The following NIPSNAP3B variants were observed in gnomAD, a reference collection of about 807,000 sequenced individuals.
NIPSNAP3B encodes protein NipSnap homolog 3B.
Under a neutral mutation model 31.5 loss-of-function variants are expected in NIPSNAP3B, and 30 were observed. That is an observed-to-expected ratio of 0.95 (90% CI 0.71 to 1.29). The LOEUF (loss-of-function observed/expected upper bound fraction) is 1.29, where lower values mean the gene tolerates loss of function less well. Ranked by LOEUF, NIPSNAP3B falls within the 50% of genes most tolerant of loss-of-function variation. The pLI, the probability that NIPSNAP3B is intolerant of heterozygous loss-of-function variation, is 0.00. For missense variants in NIPSNAP3B, 269 were observed against 300.7 expected (o/e 0.89, Z 0.78); for synonymous variants, 106 against 107.9 (o/e 0.98, Z 0.11).
In NIPSNAP3B at chr9:104,776,574, C is replaced by G. The variant is rs916318765; in HGVS notation, c.*3501C>G. ...TCACCAGAACTTCTTCATGCTGGCACCCTGGTCTTAGACTTCCCAGCCACT... is the reference window on the plus strand; with the variant it reads ...TCACCAGAACTTCTTCATGCTGGCAGCCTGGTCTTAGACTTCCCAGCCACT... On this transcript the variant is annotated 3_prime_UTR_variant, in exon 6 of 6. Coordinates refer to ENST00000374762, the MANE Select transcript of NIPSNAP3B (RefSeq NM_018376.4). 7.9e-5 allele frequency among the ~76,000 whole-genome samples: 12 copies of G among 152,232 alleles called. No homozygotes were observed. Among genetic ancestry groups the G allele is most frequent in the Non-Finnish European group, 1.3e-4 (9 of 68,012 alleles).
the NIPSNAP3B span, chr9:104,787,732 G>T: frequency 1.6e-6 from 1 of 642,150 alleles, no homozygotes. Flanking sequence ...GGGAGCATCT[G>T]CAGGCATGGT....
the NIPSNAP3B span, chr9:104,785,558 A>T: frequency 1.9e-6 from 3 of 1,614,082 alleles, no homozygotes; most frequent in Non-Finnish European, 2.5e-6. Context: ...CAGGAAATGC[A>T]AGTCCAAAGA....
intron 4 of NIPSNAP3B, 63 bp from the exon 5 acceptor site, chr9:104,772,759 T>A: frequency 6.5e-7 from 1 of 1,529,440 alleles, no homozygotes; most frequent in Non-Finnish European, 8.9e-7. Context: ...GATTCACTTT[T>A]TCAATATTTC....
In NIPSNAP3B at chr9:104,773,226, A is replaced by G. The variant is rs1426086629; in HGVS notation, c.*153A>G. ...TGCTTCTTGCATTTTTGAAAGTTAC[A>G]TATTCTCCACTGCTTTAAGAAATAA... On this transcript the variant is annotated 3_prime_UTR_variant, in exon 6 of 6. Coordinates refer to ENST00000374762, the MANE Select transcript of NIPSNAP3B (RefSeq NM_018376.4). 4 of 697,438 alleles carry G rather than the reference A, an allele frequency of 5.7e-6. No homozygotes were observed. The highest frequency in any genetic ancestry group is 1.9e-5 in the South Asian group (1 of 52,986). 43.2% of individuals were successfully genotyped at this position (697,438 alleles called of 1,614,324 possible).
chr9:104,776,681 A>G lies in NIPSNAP3B; in HGVS notation c.*3608A>G, dbSNP rs1028767951. On this transcript the variant is annotated 3_prime_UTR_variant, in exon 6 of 6. Transcript: ENST00000374762. ...TTACAGCAACCTGAACTAAGACACT[A>G]TCCCTCTCCCCTGCTTTCTTTTTCT... 6.6e-6 allele frequency among the ~76,000 whole-genome samples: 1 copy of G among 152,170 alleles called. No homozygotes were observed. The highest frequency in any genetic ancestry group is 6.5e-5 in the Admixed American group (1 of 15,274).
downstream of NIPSNAP3B, among the ~76,000 whole-genome samples, chr9:104,778,203 G>A (rs10739906): frequency 0.49 from 73,831 of 151,862 alleles, 19,467 homozygotes; most frequent in East Asian, 0.78. Flanking sequence ...ATTCAGTCCC[G>A]AGGCTTAAAT....
intron 4 of NIPSNAP3B, among the ~76,000 whole-genome samples, chr9:104,772,306 A>G (rs986252770): frequency 7.6e-5 from 7 of 92,488 alleles, no homozygotes; most frequent in African/African-American, 2.9e-4. Flanking sequence ...TTGTCATTCA[A>G]AATTAATATC....
the NIPSNAP3B span, among the ~76,000 whole-genome samples, chr9:104,785,874 T>C: frequency 1.3e-5 from 2 of 152,164 alleles, no homozygotes; most frequent in Non-Finnish European, 2.9e-5. Flanking sequence ...ACCCATGAAG[T>C]CTGACAGATG....
chr9:104,789,534 G>A, the NIPSNAP3B span, among the ~76,000 whole-genome samples: 1 of 152,150 alleles, frequency 6.6e-6, no homozygotes, highest in Admixed American at 6.5e-5. Context: ...TGTTCAAATT[G>A]TGAGTCATTG....
chr9:104,788,336 A>G, the NIPSNAP3B span: 2 of 1,581,856 alleles, frequency 1.3e-6, no homozygotes, highest in South Asian at 1.1e-5. Flanking sequence ...GAGGAAAAAC[A>G]GCCTGAAGTC....
At chr9:104,768,835 C>A (rs759188448) in intron 2 of NIPSNAP3B, 28 bp from the exon 3 acceptor site, 16 of 1,578,260 alleles carry the variant, frequency 1.0e-5, no homozygotes, top group Admixed American at 1.9e-5. Flanking sequence ...AATAAAAAAA[C>A]ATTTTCTTAA....
At chr9:104,765,829 CT>C (rs1207713896) in intron 1 of NIPSNAP3B, among the ~76,000 whole-genome samples, 1 of 152,158 alleles carries the variant, frequency 6.6e-6, no homozygotes, top group Non-Finnish European at 1.5e-5. Context: ...CTGAATAGCC[CT>C]TCCTGTTTTT....
the NIPSNAP3B span, chr9:104,787,990 T>G: frequency 6.2e-7 from 1 of 1,614,200 alleles, no homozygotes. Flanking sequence ...GCCTCCACTA[T>G]AGTTACCAGC....
rs1011391715 is a variant in NIPSNAP3B at position 104,764,137 on chromosome 9, A to C, written c.-104A>C. ...CCCCGCCGAGTCCCGCCCCTGCCTG[A>C]GTTCGCCAGTGGTCCAGGAGCCGCT... On this transcript the variant is annotated 5_prime_UTR_variant, in exon 1 of 6. Transcript: ENST00000374762. 5 of 1,069,258 alleles carry C rather than the reference A, an allele frequency of 4.7e-6. No homozygotes were observed. The African/African-American group carries it at 8.1e-5, about 17-fold the overall frequency. The allele number at this position is 1,069,258 out of a possible 1,614,324, so 66.2% of individuals were successfully genotyped here. A position where few individuals can be genotyped will look rare whatever the true frequency, so the allele number is the denominator to read the frequency against.
intron 2 of NIPSNAP3B, 129 bp downstream of exon 2, chr9:104,766,664 C>T: frequency 1.1e-6 from 1 of 874,390 alleles, no homozygotes; most frequent in South Asian, 1.6e-5. Context: ...AAAAGCAATA[C>T]CAAAAAAATA....
At chr9:104,764,418 G>C in intron 1 of NIPSNAP3B, 118 bp downstream of exon 1, 1 of 832,392 alleles carries the variant, frequency 1.2e-6, no homozygotes, top group Non-Finnish European at 1.8e-6. Flanking sequence ...CCGCGCCGCC[G>C]CCGAAGTTCT....
chr9:104,777,270 T>C lies in NIPSNAP3B; in HGVS notation c.*4197T>C, dbSNP rs569372869. On this transcript the variant is annotated 3_prime_UTR_variant, in exon 6 of 6. Coordinates refer to ENST00000374762, the MANE Select transcript of NIPSNAP3B (RefSeq NM_018376.4). The stretch of plus-strand genomic sequence containing the variant: ...CTCTTAACCTACTGAGTAAATCCTA[T>C]GAACCTGACTAGGGTGGCAACTGAA... 1.3e-4 allele frequency: 20 copies of C among 152,246 alleles called. No homozygotes were observed. Among genetic ancestry groups the C allele is most frequent in the Non-Finnish European group, 2.8e-4 (19 of 68,048 alleles). The allele number at this position is 152,246 out of a possible 1,614,324, so 9.4% of individuals were successfully genotyped here. A position where few individuals can be genotyped will look rare whatever the true frequency, so the allele number is the denominator to read the frequency against.
Position 104,773,492 on chromosome 9 carries a change from T to A in NIPSNAP3B, c.*419T>A, listed in dbSNP as rs945804122. 6.5e-6 allele frequency: 1 copy of A among 153,480 alleles called. No individual in the cohort carries two copies. The highest frequency in any genetic ancestry group is 2.4e-5 in the African/African-American group (1 of 41,470). The allele number at this position is 153,480 out of a possible 1,614,324, so 9.5% of individuals were successfully genotyped here. On this transcript the variant is annotated 3_prime_UTR_variant, in exon 6 of 6. Transcript: ENST00000374762. ...ATCATGTCTATAGTTCCTGAGATTT[T>A]AAAAAAATTTGCTTAGTAAAGGTTA...
chr9:104,782,848 T>TAAAAAA, the NIPSNAP3B span: 1 of 136,152 alleles, frequency 7.3e-6, no homozygotes. Context: ...TTGTTGCAAT[T>TAAAAAA]AAAAAAAAAA....
Sources: gnomAD v4.1 joint callset for allele counts (sites outside exome capture counted in the v4.1 genomes callset) on GRCh38, gnomAD v4.1.1 for gene constraint, MANE v1.5 for transcripts, NCBI Gene and HGNC (gene_info 2026-07-23, HGNC 2026-07-21) for gene names.